NR2E3: variants seen among roughly 807,000 people sequenced by gnomAD.
NR2E3 encodes photoreceptor-specific nuclear receptor.
NR2E3 carries 38 observed loss-of-function variants against 37.6 expected under a neutral mutation model. The observed-to-expected ratio is 1.01, with a 90% CI of 0.78 to 1.33. The LOEUF is 1.33. Ranked by LOEUF, NR2E3 falls within the 40% of genes most tolerant of loss-of-function variation. The pLI, the probability that NR2E3 is intolerant of heterozygous loss-of-function variation, is 0.00. For synonymous variants in NR2E3, 235 were observed against 225.1 expected (o/e 1.04, Z -0.39); for missense variants, 562 against 558.7 (o/e 1.01, Z -0.06).
At position 71,813,737 on chromosome 15, in the gene NR2E3, C is replaced by G; in HGVS notation, c.994+102C>G. On this transcript the variant is annotated intron_variant, in intron 6 of 7. Transcript: ENST00000617575. This position sits in a 1 kb window ranked among gnomAD's most constrained non-coding sequence, Gnocchi z 4.7. ...CCCATGTGTGCAGATGTGTGTAGGCCTCTATCCTGGGGGGTGGGAGGAGAG... is the reference window on the plus strand; with the variant it reads ...CCCATGTGTGCAGATGTGTGTAGGCGTCTATCCTGGGGGGTGGGAGGAGAG... 2 of 1,564,978 alleles carry G rather than the reference C, an allele frequency of 1.3e-6. No individual in the cohort carries two copies. Among genetic ancestry groups the G allele is most frequent in the Non-Finnish European group, 1.7e-6 (2 of 1,149,002 alleles).
Position 71,812,113 on chromosome 15 carries a change from G to A in NR2E3, c.508G>A (p.Gly170Ser). 6.4e-7 allele frequency: 1 copy of A among 1,557,848 alleles called. No individual in the cohort carries two copies. Among genetic ancestry groups the A allele is most frequent in the Non-Finnish European group, 8.7e-7 (1 of 1,151,094 alleles). The change falls in exon 4 of 8, where the codon GGC becomes AGC. Residue 170 changes from glycine to serine, a missense_variant. Gly to Ser is a moderately conservative substitution (Grantham distance 56). Transcript: ENST00000617575. Reference sequence around the variant, plus strand: ...ACCCATGTCTGCAGCCAGAGCCCTGGGCCACCACTTCATGGCCAGCCTTAT... The same window carrying A: ...ACCCATGTCTGCAGCCAGAGCCCTGAGCCACCACTTCATGGCCAGCCTTAT... ...PTPMSAARAL[G>S]HHFMASLITA...
chr15:71,813,520 C>T lies in NR2E3; in HGVS notation c.879C>T (p.Leu293=), dbSNP rs2140291151. Residue 293 remains leucine (L), a synonymous_variant, in exon 6 of 8, where the codon CTC becomes CTT. Coordinates refer to ENST00000617575, the MANE Select transcript of NR2E3 (RefSeq NM_014249.4). The surrounding 1 kb of genome is among the most constrained non-coding windows in gnomAD (Gnocchi z 4.7). ...ASAAGGAQGR[L]TLASMETRVL... is the part of the protein sequence containing the mutation. ...CTGCCGGTGGTGCCCAGGGCCGGCT[C>T]ACGCTGGCCAGCATGGAGACGCGTG... The T allele has an allele frequency of 2.5e-6, 4 of 1,613,410 alleles. No homozygotes were observed. Among genetic ancestry groups the T allele is most frequent in the Middle Eastern group, 3.3e-4 (2 of 6,058 alleles).
chr15:71,813,258 T>C lies in NR2E3; in HGVS notation c.748-131T>C. The C allele has an allele frequency of 3.9e-6, 5 of 1,276,914 alleles. No homozygotes were observed. The South Asian group carries it at 6.9e-5, about 18-fold the overall frequency. The allele number at this position is 1,276,914 out of a possible 1,614,324, so 79.1% of individuals were successfully genotyped here. A position where few individuals can be genotyped will look rare whatever the true frequency, so the allele number is the denominator to read the frequency against. ...CCCAGAGCTCTGAGCCTCTGGCTGA[T>C]GTCAGGAGAGCATTCTCGGGTCCCA... On this transcript the variant is annotated intron_variant, in intron 5 of 7. Coordinates refer to ENST00000617575, the MANE Select transcript of NR2E3 (RefSeq NM_014249.4). This position sits in a 1 kb window ranked among gnomAD's most constrained non-coding sequence, Gnocchi z 4.7.
chr15:71,811,777 G>A lies in NR2E3; in HGVS notation c.257G>A (p.Gly86Glu), dbSNP rs2054183761. ...RRRLIYRCQV[G>E]AGMCPVDKAH... Reference sequence around the variant, plus strand: ...CTCTTCACCTGCAGGTGCCAGGTGGGGGCAGGGATGTGCCCCGTGGACAAG... The same window carrying A: ...CTCTTCACCTGCAGGTGCCAGGTGGAGGCAGGGATGTGCCCCGTGGACAAG... Residue 86 changes from glycine (G) to glutamate (E), a missense_variant, in exon 3 of 8, where the codon GGG (glycine) becomes GAG (glutamate). Physicochemically the swap from Gly to Glu is moderately conservative, Grantham distance 98. Coordinates refer to ENST00000617575, the MANE Select transcript of NR2E3 (RefSeq NM_014249.4). This position sits in a 1 kb window ranked among gnomAD's most constrained non-coding sequence, Gnocchi z 5.6. 1.9e-6 allele frequency: 3 copies of A among 1,551,172 alleles called. No individual in the cohort carries two copies. Among genetic ancestry groups the A allele is most frequent in the Non-Finnish European group, 2.6e-6 (3 of 1,146,870 alleles).
chr15:71,811,355 G>C lies in NR2E3; in HGVS notation c.119-128G>C. 2.5e-6 allele frequency: 2 copies of C among 792,586 alleles called. No individual in the cohort carries two copies. The highest frequency in any genetic ancestry group is 4.0e-6 in the Non-Finnish European group (2 of 497,504). 49.1% of individuals were successfully genotyped at this position (792,586 alleles called of 1,614,324 possible). On this transcript the variant is annotated intron_variant, in intron 1 of 7. Coordinates refer to ENST00000617575, the MANE Select transcript of NR2E3 (RefSeq NM_014249.4). This position sits in a 1 kb window ranked among gnomAD's most constrained non-coding sequence, Gnocchi z 5.6. ...ACTTCTCCAGATGGAAGAGTCACGCGTGGGTTCGTTCAAATGCGGGTGAGC... is the reference window on the plus strand; with the variant it reads ...ACTTCTCCAGATGGAAGAGTCACGCCTGGGTTCGTTCAAATGCGGGTGAGC...
At chr15:71,814,917 G>A (rs1595957926) in intron 7 of NR2E3, 1 of 984,320 alleles carries the variant, frequency 1.0e-6, no homozygotes. Context: ...AATGAGGGAA[G>A]AGGAGCTCTT....
chr15:71,812,090 C>A lies in NR2E3; in HGVS notation c.485C>A (p.Pro162His). ...PAGRSPRGPT[P>H]MSAARALGHH... ...GGGCGCAGCCCACGGGGCCCCACAC[C>A]CATGTCTGCAGCCAGAGCCCTGGGC... The change falls in exon 4 of 8, where the codon CCC becomes CAC. Residue 162 changes from proline (P) to histidine (H), a missense_variant. Pro to His is a moderately conservative substitution (Grantham distance 77). Coordinates refer to ENST00000617575, the MANE Select transcript of NR2E3 (RefSeq NM_014249.4). The A allele has an allele frequency of 6.4e-7, 1 of 1,554,886 alleles. No individual in the cohort carries two copies. The highest frequency in any genetic ancestry group is 1.9e-5 in the Admixed American group (1 of 51,296).
At chr15:71,814,292 A>G in intron 7 of NR2E3, 175 bp downstream of exon 7, 1 of 1,412,156 alleles carries the variant, frequency 7.1e-7, no homozygotes, top group Non-Finnish European at 9.2e-7. Flanking sequence ...AGTGGGGACC[A>G]AGATGTACAT....
At position 71,811,843 on chromosome 15, in the gene NR2E3, G is replaced by A. The variant is rs555544052; in HGVS notation, c.323G>A (p.Cys108Tyr). The A allele has an allele frequency of 1.3e-6, 2 of 1,551,386 alleles. No individual in the cohort carries two copies. The highest frequency in any genetic ancestry group is 1.4e-5 in the African/African-American group (1 of 73,160). The change falls in exon 3 of 8, where the codon TGC becomes TAC. Residue 108 changes from cysteine (C) to tyrosine (Y), a missense_variant. Transcript: ENST00000617575. This position sits in a 1 kb window ranked among gnomAD's most constrained non-coding sequence, Gnocchi z 5.6. The part of the protein sequence containing the change: ...NQCQACRLKK[C>Y]LQAGMNQDAV... ...TGCCAGGCCTGCCGGCTGAAGAAGTGCCTGCAGGCGGGGATGAACCAGGAC... is the reference window on the plus strand; with the variant it reads ...TGCCAGGCCTGCCGGCTGAAGAAGTACCTGCAGGCGGGGATGAACCAGGAC...
At chr15:71,816,627 C>T (rs1490271507) in intron 7 of NR2E3, among the ~76,000 whole-genome samples, 2 of 152,100 alleles carry the variant, frequency 1.3e-5, no homozygotes, top group African/African-American at 2.4e-5. Flanking sequence ...CAAAATTATC[C>T]TTCAACTTCA....
chr15:71,814,346 A>C, intron 7 of NR2E3: 1 of 1,321,128 alleles, frequency 7.6e-7, no homozygotes, highest in South Asian at 2.3e-5. Context: ...CAGTGACCTC[A>C]CTGAAGACAA....
Position 71,818,113 on chromosome 15 carries a change from G to A in NR2E3, c.*429G>A, listed in dbSNP as rs1191528177. ...ATTGATACAGAGGGGGCTCATGGGA[G>A]CCCTCTGGTGTACCAGAAATGTTGA... is the stretch of plus-strand genomic sequence containing the variant. On this transcript the variant is annotated 3_prime_UTR_variant, in exon 8 of 8. Coordinates refer to ENST00000617575, the MANE Select transcript of NR2E3 (RefSeq NM_014249.4). 1 of 154,448 alleles carries A rather than the reference G, an allele frequency of 6.5e-6. No homozygotes were observed. The highest frequency in any genetic ancestry group is 1.9e-4 in the East Asian group (1 of 5,360). The allele number at this position is 154,448 out of a possible 1,614,324, so 9.6% of individuals were successfully genotyped here.
rs2054207746 is a variant in NR2E3, at chr15:71,814,005, TC to T, written c.995-3del. On this transcript the variant is annotated splice_polypyrimidine_tract_variant and splice_region_variant and intron_variant, in intron 6 of 7. Transcript: ENST00000617575. ...GTGCTAAGCTCACTGGTGCTGCTTC[TC>T]CCCAGAGACGCGGGGCCTGAAGGAT... 2 of 1,609,326 alleles carry T rather than the reference TC, an allele frequency of 1.2e-6. No homozygotes were observed. Among genetic ancestry groups the T allele is most frequent in the African/African-American group, 2.7e-5 (2 of 74,792 alleles).
In NR2E3 at chr15:71,812,069, G is replaced by A. The variant is rs1361341993; in HGVS notation, c.464G>A (p.Arg155His). Residue 155 changes from arginine (R) to histidine (H), a missense_variant, in exon 4 of 8, where the codon CGC becomes CAC. Arg to His is a conservative substitution (Grantham distance 29). Transcript: ENST00000617575. ...SLVAPPAPAG[R>H]SPRGPTPMSA... ...GTGGCTCCCCCGGCCCCGGCAGGGC[G>A]CAGCCCACGGGGCCCCACACCCATG... is the stretch of plus-strand genomic sequence containing the variant. 1.9e-5 allele frequency: 30 copies of A among 1,552,660 alleles called. No individual in the cohort carries two copies. The highest frequency in any genetic ancestry group is 3.9e-5 in the Admixed American group (2 of 51,148).
At chr15:71,816,450 C>T (rs548572451) in intron 7 of NR2E3, among the ~76,000 whole-genome samples, 205 of 151,950 alleles carry the variant, frequency 1.3e-3, no homozygotes, top group Non-Finnish European at 2.5e-3. Flanking sequence ...TTAGTAGAGA[C>T]GGGGTTTCAC....
At chr15:71,810,903 G>C (rs1416941254) in intron 1 of NR2E3, 42 bp downstream of exon 1, 1 of 1,511,702 alleles carries the variant, frequency 6.6e-7, no homozygotes, top group Non-Finnish European at 8.9e-7. Context: ...TGGGCCCTTG[G>C]GGAGCAGGGT....
Position 71,814,041 on chromosome 15 carries a change from G to T in NR2E3, c.1024G>T (p.Val342Leu). The T allele has an allele frequency of 1.2e-6, 2 of 1,612,724 alleles. No individual in the cohort carries two copies. The highest frequency in any genetic ancestry group is 1.7e-6 in the Non-Finnish European group (2 of 1,179,682). ...GCGGGGCCTGAAGGATCCTGAGCACGTAGAGGCCTTGCAGGACCAGTCCCA... is the reference window on the plus strand; with the variant it reads ...GCGGGGCCTGAAGGATCCTGAGCACTTAGAGGCCTTGCAGGACCAGTCCCA... The part of the protein sequence containing the change: ...ETRGLKDPEH[V>L]EALQDQSQVM... The change falls in exon 7 of 8, where the codon GTA becomes TTA. Residue 342 changes from valine (V) to leucine (L), a missense_variant. By Grantham distance (32) the Val-to-Leu change is conservative. Transcript: ENST00000617575.
In NR2E3 at chr15:71,810,809, T is replaced by G. The variant is rs1162219397; in HGVS notation, c.66T>G (p.Ala22=). ...CTGCAGCTGCGCCTGCAGCTGGGGC[T>G]GCCTCCAGGAAGGAGTCTCCAGGCA... is the stretch of plus-strand genomic sequence containing the variant. ...TVAAAAPAAG[A]ASRKESPGRW... is the part of the protein sequence containing the mutation. The change falls in exon 1 of 8, where the codon GCT becomes GCG. Residue 22 remains alanine, a synonymous_variant. Transcript: ENST00000617575. 1 of 1,574,392 alleles carries G rather than the reference T, an allele frequency of 6.4e-7. No homozygotes were observed. Among genetic ancestry groups the G allele is most frequent in the South Asian group, 1.2e-5 (1 of 85,524 alleles).
chr15:71,813,500 G>A lies in NR2E3; in HGVS notation c.859G>A (p.Gly287Ser), dbSNP rs764901119. Residue 287 changes from glycine (G) to serine (S), a missense_variant, in exon 6 of 8, where the codon GGT (glycine) becomes AGT (serine). Physicochemically the swap from Gly to Ser is moderately conservative, Grantham distance 56. Coordinates refer to ENST00000617575, the MANE Select transcript of NR2E3 (RefSeq NM_014249.4). The surrounding 1 kb of genome is among the most constrained non-coding windows in gnomAD (Gnocchi z 4.7). The part of the protein sequence containing the change: ...LLAPPEASAA[G>S]GAQGRLTLAS... ...GGCACCGCCCGAGGCCTCTGCTGCCGGTGGTGCCCAGGGCCGGCTCACGCT... is the reference window on the plus strand; with the variant it reads ...GGCACCGCCCGAGGCCTCTGCTGCCAGTGGTGCCCAGGGCCGGCTCACGCT... The A allele has an allele frequency of 1.1e-4, 181 of 1,612,534 alleles. No individual in the cohort carries two copies. Among genetic ancestry groups the A allele is most frequent in the Middle Eastern group, 1.6e-4 (1 of 6,080 alleles).
Sources: allele counts gnomAD v4.1 joint callset (sites outside exome capture counted in the v4.1 genomes callset), GRCh38; gene constraint gnomAD v4.1.1; non-coding constraint Gnocchi (gnomAD v3.1); transcripts MANE v1.5; gene names NCBI Gene and HGNC (gene_info 2026-07-23, HGNC 2026-07-21).